The following MCF2 variants were observed in gnomAD, a reference collection of about 807,000 sequenced individuals.
MCF2 encodes MCF.2 cell line derived transforming sequence.
Under a neutral mutation model 82.5 loss-of-function variants are expected in MCF2, and 44 were observed. The ratio of observed to expected loss-of-function variants is 0.53; its 90% CI spans 0.42 to 0.69. The LOEUF (loss-of-function observed/expected upper bound fraction) is 0.69. Among genes scored for constraint, MCF2 ranks in the 30% least tolerant of loss-of-function variants. The probability of loss-of-function intolerance (pLI) is 0.00; values close to 1 mark genes in which losing one functional copy is unlikely to be tolerated. For synonymous variants in MCF2, 217 were observed against 224.9 expected, an observed-to-expected ratio of 0.96 and a Z score of 0.32; for missense variants, 623 against 663.1, an observed-to-expected ratio of 0.94 and a Z score of 0.66.
intron 1 of MCF2, among the ~76,000 whole-genome samples, chrX:139,683,430 A>G (rs1449904418): frequency 1.8e-5 from 2 of 112,677 alleles, no homozygotes; most frequent in Non-Finnish European, 3.7e-5. Flanking sequence ...TACAGATTCA[A>G]TGCCATCCCT....
At chrX:139,696,407 C>G (rs893900878) in intron 1 of MCF2, among the ~76,000 whole-genome samples, 1 of 104,442 alleles carries the variant, frequency 9.6e-6, no homozygotes, top group Non-Finnish European at 2.0e-5. Context: ...CTCTTCTTTT[C>G]TTTTTGTTTG....
At position 139,688,297 on chromosome X, in the gene MCF2, G is replaced by A. The variant is rs113046332; in HGVS notation, c.-45+19809C>T. Among the ~76,000 whole-genome samples the A allele has an allele frequency of 3.1e-3, 349 of 111,464 alleles. 2 individuals carry two copies. Among genetic ancestry groups the A allele is most frequent in the African/African-American group, 0.011 (339 of 30,640 alleles). ...CAAAAAAGGATGCAATTATTTCCAG[G>A]TTCAGGGGTCAGGAAGGTAAATAGT... On this transcript the variant is annotated intron_variant, in intron 1 of 27. Coordinates refer to the MCF2 transcript ENST00000414978.
At chrX:139,613,398 C>G in intron 10 of MCF2, 135 bp from the exon 14 acceptor site, 1 of 457,842 alleles carries the variant, frequency 2.2e-6, no homozygotes, top group Non-Finnish European at 3.6e-6. Flanking sequence ...CGTTCCTCAA[C>G]CCAAGGTGTA....
chrX:139,617,448 G>T (rs1421702929), intron 8 of MCF2, 65 bp downstream of exon 11: 2 of 927,016 alleles, frequency 2.2e-6, no homozygotes, highest in African/African-American at 2.0e-5. Context: ...GGTGCTTCAG[G>T]CTAGCAGGAC....
intron 3 of MCF2, among the ~76,000 whole-genome samples, chrX:139,630,241 G>A (rs954451177): frequency 9.0e-6 from 1 of 111,649 alleles, no homozygotes; most frequent in Non-Finnish European, 1.9e-5. Context: ...GAAGAGAGAT[G>A]AGAACAGTAA....
intron 18 of MCF2, among the ~76,000 whole-genome samples, chrX:139,597,187 T>A (rs183623938): frequency 9.0e-6 from 1 of 111,321 alleles, no homozygotes; most frequent in Non-Finnish European, 1.9e-5. Flanking sequence ...TATGGAGCAA[T>A]ACGTTTTCTT....
At chrX:139,595,432 A>G (rs1434452263) in intron 19 of MCF2, among the ~76,000 whole-genome samples, 1 of 108,803 alleles carries the variant, frequency 9.2e-6, no homozygotes, top group Non-Finnish European at 1.9e-5. Context: ...TTGTAGGGAC[A>G]TGGATGAAAT....
intron 1 of MCF2, among the ~76,000 whole-genome samples, chrX:139,656,758 A>AT (rs1218225171): frequency 8.9e-6 from 1 of 112,304 alleles, no homozygotes; most frequent in Non-Finnish European, 1.9e-5. Flanking sequence ...TCGAATTTCC[A>AT]CACGGATTTT....
chrX:139,654,959 A>G, intron 1 of MCF2, among the ~76,000 whole-genome samples: 1 of 111,707 alleles, frequency 9.0e-6, no homozygotes, highest in Non-Finnish European at 1.9e-5. Context: ...CTGTAAATGT[A>G]TGGATTTACA....
intron 6 of MCF2, among the ~76,000 whole-genome samples, chrX:139,624,447 G>A (rs760311668): frequency 9.2e-6 from 1 of 109,194 alleles, no homozygotes; most frequent in East Asian, 2.9e-4. Context: ...GGCTGAGGGG[G>A]GAGGATGGCT....
exon 19 of MCF2, chrX:139,596,732 A>G (rs1380293829): frequency 6.6e-6 from 8 of 1,209,011 alleles, no homozygotes; most frequent in Non-Finnish European, 5.6e-6. Flanking sequence ...CGCTGAATCC[A>G]CCTTGCATTA....
At chrX:139,618,616 A>G (rs996152513) in intron 7 of MCF2, among the ~76,000 whole-genome samples, 2 of 111,422 alleles carry the variant, frequency 1.8e-5, no homozygotes, top group African/African-American at 6.5e-5. Context: ...GATCACACAG[A>G]TCTACAAGCA....
chrX:139,629,602 C>G (rs1569368713), intron 4 of MCF2, 93 bp downstream of exon 7: 1 of 809,941 alleles, frequency 1.2e-6, no homozygotes, highest in East Asian at 3.3e-5. Context: ...TTTATCTCCC[C>G]TTATGCAACA....
At chrX:139,658,665 G>GTGTTTTTTTTT (rs1934264722) in intron 1 of MCF2, among the ~76,000 whole-genome samples, 1 of 86,869 alleles carries the variant, frequency 1.2e-5, no homozygotes, top group African/African-American at 4.9e-5. Context: ...AAAAAAAGAT[G>GTGTTTTTTTTT]TGTTTTTTTT....
exon 23 of MCF2, chrX:139,586,468 T>C (rs1470158373): frequency 8.3e-7 from 1 of 1,201,382 alleles, no homozygotes; most frequent in Non-Finnish European, 1.1e-6. Context: ...TCAGTACTTA[T>C]AAAAGCTCCC....
intron 6 of MCF2, among the ~76,000 whole-genome samples, chrX:139,621,413 C>T (rs1463442398): frequency 1.8e-5 from 2 of 111,779 alleles, no homozygotes; most frequent in Non-Finnish European, 3.8e-5. Flanking sequence ...AAACAGACAA[C>T]CTACAGAATG....
intron 1 of MCF2, among the ~76,000 whole-genome samples, chrX:139,664,951 T>G (rs188496762): frequency 9.0e-6 from 1 of 111,150 alleles, no homozygotes; most frequent in East Asian, 2.9e-4. Flanking sequence ...TGGTCCAAGG[T>G]GTGTCTAGAA....
intron 19 of MCF2, among the ~76,000 whole-genome samples, chrX:139,593,996 T>A (rs1929792408): frequency 9.1e-6 from 1 of 110,395 alleles, no homozygotes; most frequent in Non-Finnish European, 1.9e-5. Context: ...GAGAATAAAA[T>A]ACCTAGGAAT....
intron 1 of MCF2, chrX:139,692,120 G>C: frequency 1.7e-6 from 2 of 1,158,578 alleles, no homozygotes; most frequent in Non-Finnish European, 2.3e-6. Context: ...CGGCAGCTTG[G>C]GGCATGTGCC....
Sources: gnomAD v4.1 joint callset for allele counts (sites outside exome capture counted in the v4.1 genomes callset) on GRCh38, gnomAD v4.1.1 for gene constraint, MANE v1.5 for transcripts, NCBI Gene and HGNC (gene_info 2026-07-23, HGNC 2026-07-21) for gene names.